Variants in DCC observed in about 807,000 individuals in gnomAD.
The protein encoded by DCC is netrin receptor DCC.
A neutral mutation model predicts 172.5 loss-of-function variants in DCC; 58 were observed. That is an observed-to-expected ratio of 0.34 (90% CI 0.27 to 0.42). The LOEUF is 0.42. Ranked by LOEUF, DCC falls within the 10% of genes least tolerant of loss-of-function variation. The pLI is 1.00. For synonymous variants in DCC, 709 were observed against 644.5 expected (o/e 1.10, Z -1.52); for missense variants, 1,740 against 1,791.0 (o/e 0.97, Z 0.51).
At chr18:53,030,032 G>T (rs1011173993) in intron 5 of DCC, among the ~76,000 whole-genome samples, 4 of 152,180 alleles carry the variant, frequency 2.6e-5, no homozygotes, top group Admixed American at 1.3e-4. Context: ...TTCTGGTTTA[G>T]ATAAATGTTA....
chr18:53,091,811 A>ATC (rs1568299173), intron 7 of DCC, among the ~76,000 whole-genome samples: 31 of 141,268 alleles, frequency 2.2e-4, no homozygotes, highest in East Asian at 1.9e-3. Flanking sequence ...CACTGTACAT[A>ATC]TATCTATCTA....
At chr18:52,638,600 TA>T (rs1043762334) in intron 1 of DCC, among the ~76,000 whole-genome samples, 1 of 152,124 alleles carries the variant, frequency 6.6e-6, no homozygotes, top group Non-Finnish European at 1.5e-5. Context: ...TATATAATGG[TA>T]AAAGGCCTTG....
rs780717481 is a variant in DCC, at chr18:53,322,163, A to T, written c.2164+6A>T. The T allele has an allele frequency of 1.5e-6, 2 of 1,368,756 alleles. No homozygotes were observed. The highest frequency in any genetic ancestry group is 2.1e-6 in the Non-Finnish European group (2 of 955,956). 84.8% of individuals were successfully genotyped at this position (1,368,756 alleles called of 1,614,324 possible). A position where few individuals can be genotyped will look rare whatever the true frequency, so the allele number is the denominator to read the frequency against. Reference sequence around the variant, plus strand: ...TCCAGAGAATGATCTAGATGGTAAGACTTTTTCCCAGTTACTATCACTCTG... The same window carrying T: ...TCCAGAGAATGATCTAGATGGTAAGTCTTTTTCCCAGTTACTATCACTCTG... On this transcript the variant is annotated splice_donor_region_variant and intron_variant, in intron 14 of 28. Coordinates refer to ENST00000442544, the MANE Select transcript of DCC (RefSeq NM_005215.4).
chr18:53,313,036 G>GAAAGGGAAGAAGGAGA (rs2057298696), intron 13 of DCC, among the ~76,000 whole-genome samples: 2 of 142,450 alleles, frequency 1.4e-5, no homozygotes, highest in Non-Finnish European at 3.1e-5. Context: ...GAAGAAGGAG[G>GAAAGGGAAGAAGGAGA]AAAGGGAAGA....
chr18:53,386,089 C>G lies in DCC; in HGVS notation c.2406C>G (p.Ala802=). Reference sequence around the variant, plus strand: ...TCTCCCTAAAAGCTTTTAACAATGCCGGAGAAGGAGTTCCTCTTTATGAAA... The same window carrying G: ...TCTCCCTAAAAGCTTTTAACAATGCGGGAGAAGGAGTTCCTCTTTATGAAA... ...YVISLKAFNN[A]GEGVPLYESA... is the part of the protein sequence containing the mutation. Residue 802 remains alanine, a synonymous_variant, in exon 16 of 29, where the codon GCC becomes GCG. Transcript: ENST00000442544. 6.2e-7 allele frequency: 1 copy of G among 1,613,404 alleles called. No individual in the cohort carries two copies. Among genetic ancestry groups the G allele is most frequent in the Non-Finnish European group, 8.5e-7 (1 of 1,179,492 alleles).
chr18:52,576,841 A>G (rs2033425946), intron 1 of DCC, among the ~76,000 whole-genome samples: 1 of 151,754 alleles, frequency 6.6e-6, no homozygotes, highest in Non-Finnish European at 1.5e-5. Context: ...AAAAAAAAAA[A>G]AAAGAAAATA....
chr18:52,422,171 G>A (rs1432097607), intron 1 of DCC, among the ~76,000 whole-genome samples: 2 of 152,124 alleles, frequency 1.3e-5, no homozygotes, highest in Non-Finnish European at 2.9e-5. Context: ...GAGTGAATGC[G>A]TGAATAAATG....
intron 11 of DCC, among the ~76,000 whole-genome samples, chr18:53,213,628 A>G (rs1437567099): frequency 7.2e-6 from 1 of 138,940 alleles, no homozygotes; most frequent in East Asian, 2.2e-4. Context: ...AGCCTGGGTG[A>G]CAGAGCGAGA....
At chr18:52,592,563 G>A (rs1027944828) in intron 1 of DCC, among the ~76,000 whole-genome samples, 1 of 152,194 alleles carries the variant, frequency 6.6e-6, no homozygotes, top group Non-Finnish European at 1.5e-5. Flanking sequence ...GAGCAGAATA[G>A]CCAAAGGAAC....
chr18:53,453,204 C>T (rs182630124), intron 23 of DCC, among the ~76,000 whole-genome samples: 22 of 152,234 alleles, frequency 1.4e-4, no homozygotes, highest in Middle Eastern at 3.4e-3. Flanking sequence ...TGTGAGCCAC[C>T]GCGCCCGGCC....
At chr18:53,287,889 G>A (rs1343871191) in intron 12 of DCC, among the ~76,000 whole-genome samples, 1 of 152,154 alleles carries the variant, frequency 6.6e-6, no homozygotes, top group Non-Finnish European at 1.5e-5. Context: ...TCCATATTTT[G>A]AGGTCACTGA....
intron 1 of DCC, among the ~76,000 whole-genome samples, chr18:52,515,382 T>C (rs963714242): frequency 4.4e-4 from 66 of 151,274 alleles, no homozygotes; most frequent in Admixed American, 3.4e-3. Flanking sequence ...CCCAGGCGGG[T>C]GGATCACAAG....
chr18:53,226,948 A>ATATATATATATATATTTTTT, intron 12 of DCC, among the ~76,000 whole-genome samples: 4 of 52,952 alleles, frequency 7.6e-5, no homozygotes, highest in Non-Finnish European at 1.2e-4. Flanking sequence ...ATATATATAT[A>ATATATATATATATATTTTTT]TTTTTTTTTT....
intron 17 of DCC, among the ~76,000 whole-genome samples, chr18:53,392,642 T>C (rs550193023): frequency 1.3e-5 from 2 of 152,178 alleles, no homozygotes; most frequent in Non-Finnish European, 2.9e-5. Flanking sequence ...TTAGTATATA[T>C]AGACAATATA....
At chr18:52,970,124 A>G (rs758601460) in intron 5 of DCC, among the ~76,000 whole-genome samples, 7 of 152,144 alleles carry the variant, frequency 4.6e-5, no homozygotes, top group Non-Finnish European at 1.0e-4. Flanking sequence ...AAATGCTCCT[A>G]GGAAGATATA....
chr18:52,989,760 C>G (rs898573895), intron 5 of DCC, among the ~76,000 whole-genome samples: 1 of 152,178 alleles, frequency 6.6e-6, no homozygotes, highest in African/African-American at 2.4e-5. Context: ...TGGGAATTCT[C>G]CATCAGTTAA....
chr18:52,768,384 T>C (rs555427993), intron 2 of DCC, among the ~76,000 whole-genome samples: 2 of 152,296 alleles, frequency 1.3e-5, no homozygotes, highest in Admixed American at 6.5e-5. Context: ...AAATCGCCAA[T>C]GGGGGAAGAA....
chr18:52,908,831 G>T (rs1033176704), intron 3 of DCC, among the ~76,000 whole-genome samples: 5 of 152,084 alleles, frequency 3.3e-5, no homozygotes, highest in African/African-American at 1.2e-4. Context: ...TCAAATGAGG[G>T]TTTTTATCTA....
chr18:52,700,303 CACATGCACACAT>C (rs1404682693), intron 1 of DCC, among the ~76,000 whole-genome samples: 1 of 135,874 alleles, frequency 7.4e-6, no homozygotes, highest in Non-Finnish European at 1.6e-5. Flanking sequence ...CATCCACACA[CACATGCACACAT>C]GCACACTCAC....
Sources: allele counts gnomAD v4.1 joint callset (sites outside exome capture counted in the v4.1 genomes callset), GRCh38; gene constraint gnomAD v4.1.1; transcripts MANE v1.5; gene names NCBI Gene and HGNC (gene_info 2026-07-23, HGNC 2026-07-21).